IQCM: variants seen among roughly 807,000 people sequenced by gnomAD.
IQCM encodes IQ motif containing M, also known as IQ domain-containing protein M.
A neutral mutation model predicts 57.6 loss-of-function variants in IQCM; 45 were observed. The observed-to-expected ratio is 0.78, with a 90% CI of 0.62 to 1.00. IQCM has a LOEUF of 1.00. Ranked by LOEUF, IQCM falls within the 50% of genes least tolerant of loss-of-function variation. The pLI, the probability that IQCM is intolerant of heterozygous loss-of-function variation, is 0.00. For missense variants in IQCM, 468 were observed against 511.6 expected, an observed-to-expected ratio of 0.91 and a Z score of 0.82; for synonymous variants, 148 against 158.9, an observed-to-expected ratio of 0.93 and a Z score of 0.51.
intron 13 of IQCM, among the ~76,000 whole-genome samples, chr4:149,368,880 G>C (rs1318246501): frequency 2.1e-5 from 1 of 48,266 alleles, no homozygotes; most frequent in African/African-American, 8.4e-5. Flanking sequence ...ATATACACGT[G>C]TATATATATG....
intron 2 of IQCM, among the ~76,000 whole-genome samples, chr4:149,803,477 A>T (rs1210660075): frequency 6.6e-6 from 1 of 151,952 alleles, no homozygotes; most frequent in Non-Finnish European, 1.5e-5. Flanking sequence ...ACTAATAAGC[A>T]TGTCAAAGGC....
chr4:149,619,962 G>C (rs562220431), intron 8 of IQCM, among the ~76,000 whole-genome samples: 1 of 152,062 alleles, frequency 6.6e-6, no homozygotes, highest in African/African-American at 2.4e-5. Context: ...TTTGAGACCA[G>C]CCTAACCAAT....
Position 149,733,234 on chromosome 4 carries a change from A to G in IQCM, c.385+10T>C, listed in dbSNP as rs2149888246. Reference sequence around the variant, plus strand: ...GTTTGCTGAATTTCTTCACTCCACCAAAAACTTACCTTTTGTAATTAGATC... The same window carrying G: ...GTTTGCTGAATTTCTTCACTCCACCGAAAACTTACCTTTTGTAATTAGATC... On this transcript the variant is annotated intron_variant, in intron 5 of 13. Transcript: ENST00000636793. The G allele has an allele frequency of 2.4e-6, 3 of 1,231,460 alleles. No homozygotes were observed. The South Asian group carries it at 1.2e-4, about 51-fold the overall frequency. The allele number at this position is 1,231,460 out of a possible 1,614,324, so 76.3% of individuals were successfully genotyped here. A position where few individuals can be genotyped will look rare whatever the true frequency, so the allele number is the denominator to read the frequency against.
intron 12 of IQCM, among the ~76,000 whole-genome samples, chr4:149,536,046 G>A (rs1160379993): frequency 6.6e-6 from 1 of 151,982 alleles, no homozygotes; most frequent in East Asian, 1.9e-4. Flanking sequence ...GCTAAAGCAA[G>A]GTGATGATAA....
intron 7 of IQCM, among the ~76,000 whole-genome samples, chr4:149,645,264 C>A (rs558510216): frequency 4.5e-4 from 69 of 152,212 alleles, no homozygotes; most frequent in African/African-American, 1.6e-3. Flanking sequence ...ATTTGATGAA[C>A]AGAAGTTCTT....
At chr4:149,378,426 A>G (rs1410984704) in intron 13 of IQCM, among the ~76,000 whole-genome samples, 1 of 152,190 alleles carries the variant, frequency 6.6e-6, no homozygotes. Context: ...TGATATGGAC[A>G]ATGAAATCTA....
At chr4:149,731,622 A>G (rs1207814069) in intron 5 of IQCM, among the ~76,000 whole-genome samples, 1 of 152,146 alleles carries the variant, frequency 6.6e-6, no homozygotes, top group Non-Finnish European at 1.5e-5. Context: ...TTTTTCAAAA[A>G]CCAGTTAATT....
chr4:149,460,212 T>C (rs1738129659), intron 12 of IQCM, among the ~76,000 whole-genome samples: 1 of 152,184 alleles, frequency 6.6e-6, no homozygotes, highest in Non-Finnish European at 1.5e-5. Flanking sequence ...AGCCATTGTA[T>C]ATCTACTTTG....
chr4:149,379,249 C>T lies in IQCM; in HGVS notation c.1391-27183G>A, dbSNP rs374784174. 2.6e-5 allele frequency among the ~76,000 whole-genome samples: 4 copies of T among 152,188 alleles called. No homozygotes were observed. The East Asian group carries it at 7.7e-4, about 29-fold the overall frequency. Reference sequence around the variant, plus strand: ...GGTGGGCACCCCCACACAGAGTCCTCATTGGGGCACTGCCTAGTGGAGCTG... The same window carrying T: ...GGTGGGCACCCCCACACAGAGTCCTTATTGGGGCACTGCCTAGTGGAGCTG... On this transcript the variant is annotated intron_variant, in intron 13 of 13. Coordinates refer to ENST00000636793, the MANE Select transcript of IQCM (RefSeq NM_001363507.2).
chr4:149,561,236 T>A (rs958577150), intron 10 of IQCM, among the ~76,000 whole-genome samples: 1 of 150,460 alleles, frequency 6.6e-6, no homozygotes, highest in Non-Finnish European at 1.5e-5. Context: ...ATTTTCCTTA[T>A]CAATTAAATC....
chr4:149,395,164 T>A (rs1196329757), intron 13 of IQCM, among the ~76,000 whole-genome samples: 6 of 152,006 alleles, frequency 3.9e-5, no homozygotes, highest in African/African-American at 1.4e-4. Flanking sequence ...TATAAACATA[T>A]CTATAGCTAA....
chr4:149,575,955 A>G (rs1227622329), intron 9 of IQCM, among the ~76,000 whole-genome samples: 2 of 151,796 alleles, frequency 1.3e-5, no homozygotes, highest in African/African-American at 2.4e-5. Context: ...ATTTTCCTCA[A>G]AACAAAATAG....
intron 13 of IQCM, among the ~76,000 whole-genome samples, chr4:149,424,450 C>A (rs1372178722): frequency 6.6e-6 from 1 of 151,554 alleles, no homozygotes; most frequent in Non-Finnish European, 1.5e-5. Flanking sequence ...TTTTAAGTCT[C>A]AAACTTTTAT....
At chr4:149,509,597 C>T (rs1744192394) in intron 12 of IQCM, among the ~76,000 whole-genome samples, 1 of 151,884 alleles carries the variant, frequency 6.6e-6, no homozygotes, top group African/African-American at 2.4e-5. Context: ...AGAAATCTGA[C>T]ATCAAGATAT....
intron 12 of IQCM, among the ~76,000 whole-genome samples, chr4:149,489,818 C>G (rs981917852): frequency 2.0e-5 from 3 of 151,420 alleles, no homozygotes; most frequent in Admixed American, 2.0e-4. Context: ...TATCTATAAA[C>G]ATATATTAGA....
chr4:149,765,658 G>A (rs1412860742), intron 2 of IQCM, among the ~76,000 whole-genome samples: 2 of 152,060 alleles, frequency 1.3e-5, no homozygotes, highest in African/African-American at 4.8e-5. Context: ...TGTTAGTGTA[G>A]CTAAATGATA....
At chr4:149,776,453 A>C (rs532187831) in intron 2 of IQCM, among the ~76,000 whole-genome samples, 2 of 152,172 alleles carry the variant, frequency 1.3e-5, no homozygotes, top group Non-Finnish European at 2.9e-5. Flanking sequence ...ATATCTTTCC[A>C]CTATAACACA....
chr4:149,581,964 C>T (rs1336366793), intron 9 of IQCM, among the ~76,000 whole-genome samples: 3 of 151,084 alleles, frequency 2.0e-5, no homozygotes, highest in African/African-American at 7.3e-5. Flanking sequence ...TGCCTTGGAG[C>T]GGGGAGGTTT....
chr4:149,481,237 G>C (rs1445765272), intron 12 of IQCM, among the ~76,000 whole-genome samples: 1 of 151,982 alleles, frequency 6.6e-6, no homozygotes, highest in Non-Finnish European at 1.5e-5. Flanking sequence ...TTCCATTGCT[G>C]TGCAGAAGCT....
Sources: allele counts gnomAD v4.1 joint callset (sites outside exome capture counted in the v4.1 genomes callset), GRCh38; gene constraint gnomAD v4.1.1; transcripts MANE v1.5; gene names NCBI Gene and HGNC (gene_info 2026-07-23, HGNC 2026-07-21).